The following PIEZO2 variants were observed in gnomAD, a reference collection of about 807,000 sequenced individuals.
PIEZO2 encodes the protein piezo-type mechanosensitive ion channel component 2.
PIEZO2 carries 172 observed loss-of-function variants against 337.3 expected under a neutral mutation model. The observed-to-expected ratio is 0.51, with a 90% CI of 0.45 to 0.58. The LOEUF (loss-of-function observed/expected upper bound fraction) is 0.58, where lower values mean the gene tolerates loss of function less well. PIEZO2 is among the 20% of genes least tolerant of loss of function. PIEZO2 has a pLI of 0.00. For missense variants in PIEZO2, 3,028 were observed against 3,391.3 expected, an observed-to-expected ratio of 0.89 and a Z score of 2.66; for synonymous variants, 1,251 against 1,228.5, an observed-to-expected ratio of 1.02 and a Z score of -0.38.
chr18:10,777,880 A>T (rs2038844232), intron 18 of PIEZO2, among the ~76,000 whole-genome samples: 1 of 152,232 alleles, frequency 6.6e-6, no homozygotes, highest in Admixed American at 6.5e-5. Context: ...TTGTATTCAC[A>T]TATAGGCACT....
intron 3 of PIEZO2, among the ~76,000 whole-genome samples, chr18:10,927,885 T>C (rs2145173706): frequency 6.6e-6 from 1 of 152,200 alleles, no homozygotes; most frequent in South Asian, 2.1e-4. Flanking sequence ...TTAGGTCAAA[T>C]TGGAGATATA....
intron 1 of PIEZO2, among the ~76,000 whole-genome samples, chr18:11,087,104 G>T (rs2038940131): frequency 6.6e-6 from 1 of 152,144 alleles, no homozygotes; most frequent in South Asian, 2.1e-4. Flanking sequence ...GACTCCAGGG[G>T]ACTCCCTTTT....
rs1013997379 is a variant in PIEZO2 at position 11,102,138 on chromosome 18, C to T, written c.65-35916G>A. 2.2e-4 allele frequency among the ~76,000 whole-genome samples: 34 copies of T among 152,222 alleles called. No homozygotes were observed. Among genetic ancestry groups the T allele is most frequent in the Non-Finnish European group, 1.0e-4 (7 of 68,020 alleles). On this transcript the variant is annotated intron_variant, in intron 1 of 55. Coordinates refer to ENST00000674853, the MANE Select transcript of PIEZO2 (RefSeq NM_001378183.1). This position sits in a 1 kb window ranked among gnomAD's most constrained non-coding sequence, Gnocchi z 5.7. Reference sequence around the variant, plus strand: ...TAAACTAAGAAACAAAGAGACTGACCGTCTACCATGGTCCCTGGTTGAACA... The same window carrying T: ...TAAACTAAGAAACAAAGAGACTGACTGTCTACCATGGTCCCTGGTTGAACA...
chr18:10,910,740 T>A (rs543063051), intron 4 of PIEZO2, among the ~76,000 whole-genome samples: 1 of 152,236 alleles, frequency 6.6e-6, no homozygotes, highest in African/African-American at 2.4e-5. Context: ...AAGAAAAACA[T>A]CATCTCAGGT....
At chr18:11,030,728 T>C (rs2036703965) in intron 2 of PIEZO2, among the ~76,000 whole-genome samples, 1 of 152,106 alleles carries the variant, frequency 6.6e-6, no homozygotes, top group African/African-American at 2.4e-5. Context: ...TGGCAAGACG[T>C]AGTCCAGGGC....
At chr18:11,135,536 G>A (rs934953893) in intron 1 of PIEZO2, among the ~76,000 whole-genome samples, 9 of 152,138 alleles carry the variant, frequency 5.9e-5, no homozygotes, top group African/African-American at 1.9e-4. Context: ...TTTGGTTCAC[G>A]TTGCAGATTG....
intron 4 of PIEZO2, among the ~76,000 whole-genome samples, chr18:10,897,875 T>C (rs1317505968): frequency 6.6e-6 from 1 of 152,348 alleles, no homozygotes; most frequent in South Asian, 2.1e-4. Flanking sequence ...CTTCCTTTTA[T>C]ACAGGAAATG....
intron 4 of PIEZO2, among the ~76,000 whole-genome samples, chr18:10,876,159 T>TGG (rs2042263254): frequency 6.6e-6 from 1 of 152,238 alleles, no homozygotes; most frequent in Non-Finnish European, 1.5e-5. Flanking sequence ...TAAAGTACGT[T>TGG]CATCAGAATG....
chr18:10,686,850 A>G (rs775142045), intron 49 of PIEZO2, among the ~76,000 whole-genome samples: 2 of 152,166 alleles, frequency 1.3e-5, no homozygotes, highest in Admixed American at 6.5e-5. Context: ...TATCTAGCAA[A>G]TAAAGATATG....
In PIEZO2 at chr18:10,713,764, C is replaced by T. The variant is rs1333866065; in HGVS notation, c.5423+1000G>A. The stretch of plus-strand genomic sequence containing the variant: ...ATGAAAAACATAAAACATGAATGTT[C>T]TCAGTGATACAATTCTTTACCCATG... On this transcript the variant is annotated intron_variant, in intron 39 of 55. Transcript: ENST00000674853. The surrounding 1 kb of genome is among the most constrained non-coding windows in gnomAD (Gnocchi z 4.5). 6.6e-6 allele frequency among the ~76,000 whole-genome samples: 1 copy of T among 152,182 alleles called. No homozygotes were observed. The highest frequency in any genetic ancestry group is 1.5e-5 in the Non-Finnish European group (1 of 68,036).
intron 51 of PIEZO2, among the ~76,000 whole-genome samples, chr18:10,681,110 A>C (rs1428221458): frequency 6.6e-6 from 1 of 152,248 alleles, no homozygotes; most frequent in East Asian, 1.9e-4. Context: ...TTTAATTACA[A>C]AATAAGTTGC....
At chr18:10,933,593 C>T (rs1201498934) in intron 3 of PIEZO2, among the ~76,000 whole-genome samples, 1 of 152,122 alleles carries the variant, frequency 6.6e-6, no homozygotes, top group African/African-American at 2.4e-5. Context: ...CCTCTATATC[C>T]ATCCAGACAC....
intron 36 of PIEZO2, among the ~76,000 whole-genome samples, chr18:10,719,639 T>C (rs1357379542): frequency 6.6e-6 from 1 of 152,192 alleles, no homozygotes; most frequent in Non-Finnish European, 1.5e-5. Context: ...TATGCTATTG[T>C]GAATAGTGCT....
intron 1 of PIEZO2, among the ~76,000 whole-genome samples, chr18:11,074,036 TG>T (rs2038438610): frequency 6.6e-6 from 1 of 151,954 alleles, no homozygotes; most frequent in Admixed American, 6.6e-5. Flanking sequence ...TTAGTAGAGA[TG>T]GGGTTTCACT....
Position 11,148,532 on chromosome 18 carries a change from C to A in PIEZO2, c.57G>T (p.Leu19=). ...AAAGCGGACCAGACTCACCTACTGC[C>A]AGGCAGATGGGCAGCAGCAGCCTGA... ...LIFRLLLPIC[L]AVACAFRYNG... The change falls in exon 1 of 56, where the codon CTG becomes CTT. Residue 19 remains leucine (L), a synonymous_variant. Transcript: ENST00000674853. This position sits in a 1 kb window ranked among gnomAD's most constrained non-coding sequence, Gnocchi z 5.2. 3 of 1,537,240 alleles carry A rather than the reference C, an allele frequency of 2.0e-6. No homozygotes were observed. Among genetic ancestry groups the A allele is most frequent in the Non-Finnish European group, 2.6e-6 (3 of 1,146,910 alleles).
At chr18:10,881,518 C>G (rs1035021334) in intron 4 of PIEZO2, among the ~76,000 whole-genome samples, 1 of 152,204 alleles carries the variant, frequency 6.6e-6, no homozygotes, top group Non-Finnish European at 1.5e-5. Flanking sequence ...CTCTGCTCCT[C>G]AGGAGTTTGC....
chr18:10,940,787 G>A lies in PIEZO2; in HGVS notation c.287-29559C>T, dbSNP rs1404499707. 3.3e-5 allele frequency among the ~76,000 whole-genome samples: 5 copies of A among 152,170 alleles called. No homozygotes were observed. Among genetic ancestry groups the A allele is most frequent in the African/African-American group, 9.6e-5 (4 of 41,538 alleles). ...TGAGGCAGAAGAATCGCTTGAACCC[G>A]GGAGGCAGAGGTTGCAGTGAGCTGA... is the stretch of plus-strand genomic sequence containing the variant. On this transcript the variant is annotated intron_variant, in intron 3 of 55. Transcript: ENST00000674853. This position sits in a 1 kb window ranked among gnomAD's most constrained non-coding sequence, Gnocchi z 5.3.
At chr18:10,876,437 C>T (rs886579321) in intron 4 of PIEZO2, among the ~76,000 whole-genome samples, 11 of 152,176 alleles carry the variant, frequency 7.2e-5, no homozygotes, top group African/African-American at 1.9e-4. Flanking sequence ...TCCTTGGTCT[C>T]TGTTTCTCTT....
chr18:10,927,557 T>C (rs556351007), intron 3 of PIEZO2, among the ~76,000 whole-genome samples: 1 of 152,294 alleles, frequency 6.6e-6, no homozygotes, highest in African/African-American at 2.4e-5. Context: ...CTGACTAATC[T>C]CTTGGCACAG....
Sources: allele counts gnomAD v4.1 joint callset (sites outside exome capture counted in the v4.1 genomes callset), GRCh38; gene constraint gnomAD v4.1.1; non-coding constraint Gnocchi (gnomAD v3.1); transcripts MANE v1.5; gene names NCBI Gene and HGNC (gene_info 2026-07-23, HGNC 2026-07-21).